Variants in PRRG1 observed in about 807,000 individuals in gnomAD.
The protein encoded by PRRG1 is transmembrane gamma-carboxyglutamic acid protein 1.
A neutral mutation model predicts 11.8 loss-of-function variants in PRRG1; 5 were observed. That is an observed-to-expected ratio of 0.42 (90% CI 0.22 to 0.89). The LOEUF (loss-of-function observed/expected upper bound fraction) is 0.89. Among genes scored for constraint, PRRG1 ranks in the 40% least tolerant of loss-of-function variants. The pLI is 0.28. For synonymous variants in PRRG1, 66 were observed against 60.4 expected, an observed-to-expected ratio of 1.09 and a Z score of -0.43; for missense variants, 155 against 166.1, an observed-to-expected ratio of 0.93 and a Z score of 0.37.
chrX:37,412,709 A>G (rs1932381377), intron 2 of PRRG1, among the ~76,000 whole-genome samples: 1 of 110,960 alleles, frequency 9.0e-6, no homozygotes, highest in Non-Finnish European at 1.9e-5. Context: ...AAAAAAAAAG[A>G]ACTAACGGAG....
chrX:37,411,553 G>A (rs932167672), intron 2 of PRRG1, among the ~76,000 whole-genome samples: 6 of 111,389 alleles, frequency 5.4e-5, no homozygotes, highest in South Asian at 3.7e-4. Context: ...ACAGTGTTTC[G>A]GTAGAATTTG....
intron 3 of PRRG1, among the ~76,000 whole-genome samples, chrX:37,448,325 G>A (rs1287606386): frequency 2.7e-5 from 3 of 110,542 alleles, no homozygotes; most frequent in African/African-American, 9.8e-5. Context: ...TGACCTGTGA[G>A]CAGTCAGAGG....
chrX:37,376,431 AC>A (rs1197312706), intron 1 of PRRG1, among the ~76,000 whole-genome samples: 24 of 101,090 alleles, frequency 2.4e-4, no homozygotes, highest in Non-Finnish European at 4.0e-5. Flanking sequence ...CTGGGCTTGA[AC>A]AGCTAACTCT....
At chrX:37,418,863 G>GAT (rs1932577622) in intron 2 of PRRG1, among the ~76,000 whole-genome samples, 3 of 111,586 alleles carry the variant, frequency 2.7e-5, no homozygotes, top group Non-Finnish European at 5.6e-5. Context: ...TGCCCCTTTT[G>GAT]CTTTCTAGTT....
intron 1 of PRRG1, among the ~76,000 whole-genome samples, chrX:37,370,638 A>G (rs1930734595): frequency 9.0e-6 from 1 of 110,927 alleles, no homozygotes; most frequent in Non-Finnish European, 1.9e-5. Context: ...CTCCCTGTGC[A>G]CCTTGGGGCC....
chrX:37,431,398 T>G (rs1484082184), intron 3 of PRRG1, among the ~76,000 whole-genome samples: 1 of 112,421 alleles, frequency 8.9e-6, no homozygotes, highest in African/African-American at 3.2e-5. Context: ...TACATACTCA[T>G]GAGCACTTGG....
intron 3 of PRRG1, among the ~76,000 whole-genome samples, chrX:37,438,702 G>T (rs1556392712): frequency 2.7e-5 from 3 of 111,354 alleles, no homozygotes; most frequent in African/African-American, 9.8e-5. Flanking sequence ...CTCCCAAAGT[G>T]CTGGGATTAC....
chrX:37,392,343 C>T (rs1931566245), intron 1 of PRRG1, among the ~76,000 whole-genome samples: 1 of 109,449 alleles, frequency 9.1e-6, no homozygotes, highest in Non-Finnish European at 1.9e-5. Context: ...AAAAAGCCAA[C>T]TGACCCCTGA....
intron 1 of PRRG1, among the ~76,000 whole-genome samples, chrX:37,388,815 C>A (rs1052210573): frequency 8.8e-6 from 1 of 112,996 alleles, no homozygotes; most frequent in Non-Finnish European, 1.9e-5. Flanking sequence ...TTCTTGAATT[C>A]TTCTCCTGAA....
intron 1 of PRRG1, among the ~76,000 whole-genome samples, chrX:37,357,933 T>G (rs1316458819): frequency 8.9e-6 from 1 of 112,493 alleles, no homozygotes; most frequent in Non-Finnish European, 1.9e-5. Flanking sequence ...TTCTGTATTC[T>G]GGCCATTTTA....
At chrX:37,356,587 G>T (rs1054731471) in intron 1 of PRRG1, among the ~76,000 whole-genome samples, 6 of 110,737 alleles carry the variant, frequency 5.4e-5, no homozygotes, top group African/African-American at 2.0e-4. Flanking sequence ...GGGAGATCAA[G>T]AACTACATAC....
At chrX:37,429,801 G>A (rs1345964324) in intron 3 of PRRG1, among the ~76,000 whole-genome samples, 1 of 111,767 alleles carries the variant, frequency 8.9e-6, no homozygotes, top group Non-Finnish European at 1.9e-5. Context: ...CTGAGACTGG[G>A]AAGAAAAAGA....
At chrX:37,444,656 C>T (rs1309368310) in intron 3 of PRRG1, among the ~76,000 whole-genome samples, 1 of 111,294 alleles carries the variant, frequency 9.0e-6, no homozygotes, top group African/African-American at 3.3e-5. Context: ...GTATTATTTA[C>T]GCTTTGGGGG....
rs782112654 is a variant in PRRG1 at position 37,427,064 on chromosome X, G to A, written c.171+1064G>A. Among the ~76,000 whole-genome samples, 6 of 111,425 alleles carry A rather than the reference G, an allele frequency of 5.4e-5. No individual in the cohort carries two copies. In the East Asian group the frequency reaches 1.7e-3, roughly 31 times the overall value. On this transcript the variant is annotated intron_variant, in intron 3 of 3. Transcript: ENST00000378628. The stretch of plus-strand genomic sequence containing the variant: ...CACCATAAAGTTTTTAATAAAAACT[G>A]GCTGAAGTTACTATAAACCATAAAC...
intron 3 of PRRG1, among the ~76,000 whole-genome samples, chrX:37,438,430 CTTTTTTTTT>C (rs782783420): frequency 1.4e-5 from 1 of 69,043 alleles, no homozygotes; most frequent in African/African-American, 5.8e-5. Flanking sequence ...GAATTTTTTC[CTTTTTTTTT>C]TTTTTTTTTT....
chrX:37,403,708 A>C, intron 1 of PRRG1: 1 of 743,416 alleles, frequency 1.3e-6, no homozygotes, highest in Non-Finnish European at 1.6e-6. Context: ...CAGACAAAAA[A>C]GAAGGGACCA....
In PRRG1 at chrX:37,455,841, T is replaced by C. The variant is rs1351846155; in HGVS notation, c.*2220T>C. 43 of 112,251 alleles carry C rather than the reference T, an allele frequency of 3.8e-4. No individual in the cohort carries two copies. In the Admixed American group the frequency reaches 4.0e-3, roughly 11 times the overall value. 9.3% of individuals were successfully genotyped at this position (112,251 alleles called of 1,213,427 possible). A position where few individuals can be genotyped will look rare whatever the true frequency, so the allele number is the denominator to read the frequency against. On this transcript the variant is annotated 3_prime_UTR_variant, in exon 4 of 4. Transcript: ENST00000378628. ...AATGAAAATTAAGACACCTTTTGTG[T>C]GGACATGTTTTTGTCTTTAATGTCA...
intron 3 of PRRG1, chrX:37,441,223 A>G: frequency 1.3e-6 from 1 of 788,471 alleles, no homozygotes; most frequent in Non-Finnish European, 1.5e-6. Context: ...TAAAATGAGA[A>G]GAAGCTATTA....
chrX:37,372,448 T>G (rs2146531465), intron 1 of PRRG1, among the ~76,000 whole-genome samples: 1 of 111,820 alleles, frequency 8.9e-6, no homozygotes, highest in South Asian at 3.8e-4. Context: ...GGATTACAGG[T>G]GCCCACCACC....
Sources: allele counts gnomAD v4.1 joint callset (sites outside exome capture counted in the v4.1 genomes callset), GRCh38; gene constraint gnomAD v4.1.1; transcripts MANE v1.5; gene names NCBI Gene and HGNC (gene_info 2026-07-23, HGNC 2026-07-21).